The following ROBO1 variants were observed in gnomAD, a reference collection of about 807,000 sequenced individuals.
The protein encoded by ROBO1 is roundabout homolog 1.
A neutral mutation model predicts 195.9 loss-of-function variants in ROBO1; 149 were observed. That is an observed-to-expected ratio of 0.76 (90% CI 0.67 to 0.87). ROBO1 has a LOEUF of 0.87. Among genes scored for constraint, ROBO1 ranks in the 40% least tolerant of loss-of-function variants. ROBO1 has a pLI of 0.00. For missense variants in ROBO1, 1,933 were observed against 2,068.3 expected (o/e 0.93, Z 1.27); for synonymous variants, 816 against 733.2 (o/e 1.11, Z -1.82).
rs376080706 is a variant in ROBO1 at position 78,830,299 on chromosome 3, C to T, written c.500-83399G>A. On this transcript the variant is annotated intron_variant, in intron 4 of 30. Coordinates refer to ENST00000464233, the MANE Select transcript of ROBO1 (RefSeq NM_002941.4). ...TTCTCTCCTGATGTTTCTTTCATCA[C>T]TGACCATATTACTTCATGACTTGAA... Among the ~76,000 whole-genome samples the T allele has an allele frequency of 7.2e-5, 11 of 152,316 alleles. No homozygotes were observed. The East Asian group carries it at 1.2e-3, about 16-fold the overall frequency.
intron 1 of ROBO1, among the ~76,000 whole-genome samples, chr3:79,662,180 A>C (rs1460228513): frequency 6.6e-6 from 1 of 152,114 alleles, no homozygotes; most frequent in African/African-American, 2.4e-5. Flanking sequence ...ACTTGGAATG[A>C]GAATTAGCAG....
chr3:79,354,310 C>T (rs1346837407), intron 2 of ROBO1, among the ~76,000 whole-genome samples: 1 of 152,146 alleles, frequency 6.6e-6, no homozygotes, highest in Non-Finnish European at 1.5e-5. Context: ...TGTTTTCAAC[C>T]TCCTATACTT....
rs553561929 is a variant in ROBO1, at chr3:79,641,424, C to T, written c.-50-51463G>A. ...TAATTTTTCTTATTTTGAGGGATAG[C>T]ATTGGGAGATATACCTAATGCTAGA... is the stretch of plus-strand genomic sequence containing the variant. On this transcript the variant is annotated intron_variant, in intron 1 of 30. Coordinates refer to ENST00000464233, the MANE Select transcript of ROBO1 (RefSeq NM_002941.4). Among the ~76,000 whole-genome samples, 14 of 152,092 alleles carry T rather than the reference C, an allele frequency of 9.2e-5. No homozygotes were observed. The East Asian group carries it at 2.7e-3, about 29-fold the overall frequency.
chr3:79,002,227 G>T (rs923198950), intron 3 of ROBO1, among the ~76,000 whole-genome samples: 1 of 152,012 alleles, frequency 6.6e-6, no homozygotes, highest in African/African-American at 2.4e-5. Context: ...CAATATGAAG[G>T]GGGATATGTC....
intron 2 of ROBO1, among the ~76,000 whole-genome samples, chr3:79,458,019 A>G (rs2039679189): frequency 6.6e-6 from 1 of 152,152 alleles, no homozygotes; most frequent in Non-Finnish European, 1.5e-5. Flanking sequence ...CTATCACCCA[A>G]TTCCACATGA....
intron 3 of ROBO1, among the ~76,000 whole-genome samples, chr3:79,011,663 A>G (rs2077780854): frequency 6.8e-6 from 1 of 147,976 alleles, no homozygotes; most frequent in Non-Finnish European, 1.5e-5. Context: ...AATGTTTTAT[A>G]TATATTTATA....
At chr3:79,029,273 A>G (rs559689902) in intron 3 of ROBO1, among the ~76,000 whole-genome samples, 3 of 152,230 alleles carry the variant, frequency 2.0e-5, no homozygotes, top group African/African-American at 7.2e-5. Flanking sequence ...CTAGTGAAAA[A>G]TGAACCATAA....
chr3:78,777,986 CT>C (rs770828741), intron 4 of ROBO1, among the ~76,000 whole-genome samples: 16 of 152,062 alleles, frequency 1.1e-4, no homozygotes, highest in Non-Finnish European at 2.1e-4. Context: ...ATAAATAGCT[CT>C]TATTATTTTG....
chr3:79,429,529 T>A (rs759015941), intron 2 of ROBO1, among the ~76,000 whole-genome samples: 46 of 152,144 alleles, frequency 3.0e-4, no homozygotes, highest in Non-Finnish European at 3.8e-4. Context: ...CAGGAATCAG[T>A]TCAGTGGAGT....
At chr3:78,788,277 A>G (rs1481934846) in intron 4 of ROBO1, among the ~76,000 whole-genome samples, 2 of 140,022 alleles carry the variant, frequency 1.4e-5, no homozygotes, top group Non-Finnish European at 1.6e-5. Context: ...CACCACGCCC[A>G]GATAATTTTT....
At chr3:78,987,264 T>G (rs1175636042) in intron 3 of ROBO1, among the ~76,000 whole-genome samples, 1 of 152,034 alleles carries the variant, frequency 6.6e-6, no homozygotes, top group African/African-American at 2.4e-5. Context: ...TATATGTTTC[T>G]TTGGAGCTAC....
At chr3:79,622,923 G>A (rs1237708187) in intron 1 of ROBO1, among the ~76,000 whole-genome samples, 1 of 152,188 alleles carries the variant, frequency 6.6e-6, no homozygotes, top group African/African-American at 2.4e-5. Context: ...ACTGGAATCA[G>A]GTTGGTGCTC....
intron 2 of ROBO1, among the ~76,000 whole-genome samples, chr3:79,571,958 A>G (rs866326576): frequency 2.0e-5 from 3 of 152,150 alleles, no homozygotes; most frequent in South Asian, 4.1e-4. Flanking sequence ...TAGAAAAAAA[A>G]AATTAAGTGG....
chr3:79,565,237 G>A (rs1943053054), intron 2 of ROBO1, among the ~76,000 whole-genome samples: 1 of 151,692 alleles, frequency 6.6e-6, no homozygotes, highest in Non-Finnish European at 1.5e-5. Flanking sequence ...TTAAAGAATT[G>A]AGGCACAGTC....
chr3:78,794,656 C>T (rs994356085), intron 4 of ROBO1, among the ~76,000 whole-genome samples: 32 of 152,164 alleles, frequency 2.1e-4, no homozygotes, highest in African/African-American at 7.7e-4. Flanking sequence ...CAGCTCACTG[C>T]AGCCCTGCAG....
chr3:78,830,178 G>T (rs1212347573), intron 4 of ROBO1, among the ~76,000 whole-genome samples: 1 of 152,086 alleles, frequency 6.6e-6, no homozygotes, highest in Non-Finnish European at 1.5e-5. Context: ...TGTCTCTTCT[G>T]CCTCTTGGTC....
chr3:79,398,810 G>C (rs1194420538), intron 2 of ROBO1, among the ~76,000 whole-genome samples: 1 of 151,962 alleles, frequency 6.6e-6, no homozygotes, highest in South Asian at 2.1e-4. Flanking sequence ...TTTAAAAAAG[G>C]TTATTATTAG....
At chr3:78,903,138 A>G (rs1432774580) in intron 4 of ROBO1, among the ~76,000 whole-genome samples, 1 of 152,184 alleles carries the variant, frequency 6.6e-6, no homozygotes, top group East Asian at 1.9e-4. Context: ...ATTTACAAAT[A>G]TATCAGTAAA....
At chr3:78,816,256 C>T (rs946050949) in intron 4 of ROBO1, among the ~76,000 whole-genome samples, 1 of 152,120 alleles carries the variant, frequency 6.6e-6, no homozygotes, top group African/African-American at 2.4e-5. Flanking sequence ...GATGACAGTA[C>T]ATCTGTTTAT....
Sources: gnomAD v4.1 joint callset for allele counts (sites outside exome capture counted in the v4.1 genomes callset) on GRCh38, gnomAD v4.1.1 for gene constraint, MANE v1.5 for transcripts, NCBI Gene and HGNC (gene_info 2026-07-23, HGNC 2026-07-21) for gene names.